Variants in CLHC1 observed in about 807,000 individuals in gnomAD.
CLHC1 encodes clathrin heavy chain linker domain containing 1, also known as clathrin heavy chain linker domain-containing protein 1.
Under a neutral mutation model 69.5 loss-of-function variants are expected in CLHC1, and 72 were observed. The ratio of observed to expected loss-of-function variants is 1.04; its 90% CI spans 0.86 to 1.26. The LOEUF (loss-of-function observed/expected upper bound fraction) is 1.26, where lower values mean the gene tolerates loss of function less well. Among genes scored for constraint, CLHC1 ranks in the 50% most tolerant of loss-of-function variants. The pLI is 0.00. For synonymous variants in CLHC1, 223 were observed against 224.3 expected, an observed-to-expected ratio of 0.99 and a Z score of 0.05; for missense variants, 790 against 679.3, an observed-to-expected ratio of 1.16 and a Z score of -1.81.
At chr2:55,176,681 A>G (rs1301898073) in intron 12 of CLHC1, among the ~76,000 whole-genome samples, 1 of 152,130 alleles carries the variant, frequency 6.6e-6, no homozygotes, top group Non-Finnish European at 1.5e-5. Flanking sequence ...CACTTTTTAG[A>G]ATACTGTCAT....
At position 55,181,704 on chromosome 2, in the gene CLHC1, T is replaced by C. The variant is rs1452412121; in HGVS notation, c.1047A>G (p.Leu349=). 8 of 1,613,684 alleles carry C rather than the reference T, an allele frequency of 5.0e-6. No individual in the cohort carries two copies. The African/African-American group carries it at 6.7e-5, about 13-fold the overall frequency. ...TTGTGATAAAGAGGGCCTCAAAAAATAAGAGTAATGGAAGAGGCTTTCCTC... is the reference window on the plus strand; with the variant it reads ...TTGTGATAAAGAGGGCCTCAAAAAACAAGAGTAATGGAAGAGGCTTTCCTC... ...KIRGKPLPLL[L]FFEALFITSH... Residue 349 remains leucine (L), a synonymous_variant, in exon 10 of 13, where the codon TTA becomes TTG. Transcript: ENST00000401408.
chr2:55,232,404 C>T (rs1351543977), upstream of CLHC1: 4 of 287,770 alleles, frequency 1.4e-5, no homozygotes, highest in East Asian at 8.7e-5. Context: ...AAGAGGCCCC[C>T]CTCGACCTCC....
intron 3 of CLHC1, among the ~76,000 whole-genome samples, chr2:55,220,774 G>C (rs1420548495): frequency 6.6e-6 from 1 of 152,140 alleles, no homozygotes; most frequent in Non-Finnish European, 1.5e-5. Context: ...ACACAGTAGA[G>C]TCGCAGCATG....
intron 5 of CLHC1, among the ~76,000 whole-genome samples, chr2:55,211,978 T>C (rs1385002978): frequency 1.3e-5 from 2 of 152,182 alleles, no homozygotes; most frequent in African/African-American, 4.8e-5. Context: ...TTAGAGTGCA[T>C]CAAAAAAACC....
At chr2:55,186,241 C>T (rs893169030) in intron 9 of CLHC1, among the ~76,000 whole-genome samples, 1 of 152,160 alleles carries the variant, frequency 6.6e-6, no homozygotes, top group Non-Finnish European at 1.5e-5. Flanking sequence ...CAGGCAGAGA[C>T]AAACATAAAG....
intron 11 of CLHC1, among the ~76,000 whole-genome samples, chr2:55,178,284 C>T (rs1669595305): frequency 6.6e-6 from 1 of 151,986 alleles, no homozygotes; most frequent in South Asian, 2.1e-4. Flanking sequence ...TAATTTTTTT[C>T]CTAAAACTAT....
chr2:55,181,158 T>G (rs1669898581), intron 10 of CLHC1, among the ~76,000 whole-genome samples: 1 of 152,122 alleles, frequency 6.6e-6, no homozygotes, highest in South Asian at 2.1e-4. Context: ...TTTTTGTATT[T>G]TTAGTAGAGA....
At chr2:55,187,588 T>C (rs1670537233) in intron 9 of CLHC1, among the ~76,000 whole-genome samples, 1 of 151,610 alleles carries the variant, frequency 6.6e-6, no homozygotes, top group Non-Finnish European at 1.5e-5. Context: ...GCACTCCAGC[T>C]CAGGTGACAG....
chr2:55,194,915 T>C (rs1671259851), intron 9 of CLHC1, among the ~76,000 whole-genome samples: 1 of 149,358 alleles, frequency 6.7e-6, no homozygotes, highest in Non-Finnish European at 1.5e-5. Context: ...TCTTAGCAAC[T>C]TTTTTTTTTC....
chr2:55,184,759 G>T (rs995971866), intron 9 of CLHC1, among the ~76,000 whole-genome samples: 8 of 151,914 alleles, frequency 5.3e-5, no homozygotes, highest in Non-Finnish European at 1.0e-4. Context: ...ACAAAAATTA[G>T]CCAGGTGTGG....
chr2:55,227,749 G>A (rs914094762), intron 2 of CLHC1, among the ~76,000 whole-genome samples: 3 of 151,974 alleles, frequency 2.0e-5, no homozygotes, highest in Admixed American at 6.6e-5. Flanking sequence ...AGAGGGGGTA[G>A]TGACATTTGG....
intron 1 of CLHC1, among the ~76,000 whole-genome samples, chr2:55,228,566 A>C (rs1674938132): frequency 6.6e-6 from 1 of 152,248 alleles, no homozygotes; most frequent in Admixed American, 6.5e-5. Context: ...TAAATGAGCC[A>C]CTGCTACAAA....
At chr2:55,187,379 A>C (rs976315491) in intron 9 of CLHC1, among the ~76,000 whole-genome samples, 5 of 152,098 alleles carry the variant, frequency 3.3e-5, no homozygotes, top group Non-Finnish European at 5.9e-5. Context: ...TTGGGAGGCC[A>C]AGACAGGAAG....
intron 9 of CLHC1, among the ~76,000 whole-genome samples, chr2:55,196,779 G>T (rs1671463221): frequency 6.6e-6 from 1 of 152,130 alleles, no homozygotes; most frequent in African/African-American, 2.4e-5. Flanking sequence ...AGCTGTAATG[G>T]CTATCAGCTG....
rs762632306 is a variant in CLHC1 at position 55,177,790 on chromosome 2, A to G, written c.1385-9T>C. 4.4e-6 allele frequency: 7 copies of G among 1,593,532 alleles called. No individual in the cohort carries two copies. The East Asian group carries it at 1.6e-4, about 36-fold the overall frequency. ...TAGCTGCAACAGGTCATCTGAAGGC[A>G]AAAATGAAAAAGTTTATCTCAATGT... On this transcript the variant is annotated splice_polypyrimidine_tract_variant and intron_variant, in intron 11 of 12. Transcript: ENST00000401408.
chr2:55,213,242 G>A (rs909625231), intron 4 of CLHC1, among the ~76,000 whole-genome samples: 1 of 152,200 alleles, frequency 6.6e-6, no homozygotes, highest in Non-Finnish European at 1.5e-5. Context: ...CAAAATCAAA[G>A]TGTTGGCAGA....
intron 9 of CLHC1, among the ~76,000 whole-genome samples, chr2:55,190,196 C>T (rs1195494944): frequency 6.6e-6 from 1 of 150,418 alleles, no homozygotes; most frequent in African/African-American, 2.5e-5. Context: ...AGGCGCCCAC[C>T]ACCACACCCG....
chr2:55,202,047 C>A (rs959937203), intron 9 of CLHC1, among the ~76,000 whole-genome samples: 1 of 152,062 alleles, frequency 6.6e-6, no homozygotes, highest in Non-Finnish European at 1.5e-5. Flanking sequence ...AGAACCACAG[C>A]TAGAATCACA....
At chr2:55,180,052 G>T (rs984844673) in intron 11 of CLHC1, among the ~76,000 whole-genome samples, 1 of 152,028 alleles carries the variant, frequency 6.6e-6, no homozygotes, top group Non-Finnish European at 1.5e-5. Context: ...TACTTGGGAG[G>T]CTGAGGCAGG....
Sources: gnomAD v4.1 joint callset for allele counts (sites outside exome capture counted in the v4.1 genomes callset) on GRCh38, gnomAD v4.1.1 for gene constraint, MANE v1.5 for transcripts, NCBI Gene and HGNC (gene_info 2026-07-23, HGNC 2026-07-21) for gene names.